Variants in KIAA0319 observed in about 807,000 individuals in gnomAD.
The protein encoded by KIAA0319 is dyslexia-associated protein KIAA0319.
KIAA0319 carries 83 observed loss-of-function variants against 108.4 expected under a neutral mutation model. That is an observed-to-expected ratio of 0.77 (90% CI 0.64 to 0.92). The LOEUF (loss-of-function observed/expected upper bound fraction) is 0.92, where lower values mean the gene tolerates loss of function less well. Ranked by LOEUF, KIAA0319 falls within the 40% of genes least tolerant of loss-of-function variation. The pLI, the probability that KIAA0319 is intolerant of heterozygous loss-of-function variation, is 0.00. For synonymous variants in KIAA0319, 484 were observed against 510.4 expected (o/e 0.95, Z 0.70); for missense variants, 1,195 against 1,322.4 (o/e 0.90, Z 1.49).
rs1763536759 is a variant in KIAA0319 at position 24,564,231 on chromosome 6, G to C, written c.2402C>G (p.Thr801Arg). 6.2e-7 allele frequency: 1 copy of C among 1,613,986 alleles called. No individual in the cohort carries two copies. The change falls in exon 15 of 21, where the codon ACA becomes AGA. Residue 801 changes from threonine (T) to arginine (R), a missense_variant. Physicochemically the swap from Thr to Arg is moderately conservative, Grantham distance 71. Transcript: ENST00000378214. The part of the protein sequence containing the change: ...RVTDSQGASD[T>R]DTATVEVQPD... ...CTGCACTTCCACAGTGGCAGTGTCTGTGTCCGAGGCCCCCTGACTGTCGGT... is the reference window on the plus strand; with the variant it reads ...CTGCACTTCCACAGTGGCAGTGTCTCTGTCCGAGGCCCCCTGACTGTCGGT...
Position 24,570,021 on chromosome 6 carries a change from G to A in KIAA0319, c.1873C>T (p.Pro625Ser), listed in dbSNP as rs748982799. 6.2e-7 allele frequency: 1 copy of A among 1,614,022 alleles called. No individual in the cohort carries two copies. The highest frequency in any genetic ancestry group is 8.5e-7 in the Non-Finnish European group (1 of 1,179,944). Reference sequence around the variant, plus strand: ...TTATCAGGGCCGGCCACAGCCACTGGAGGTCTATTGTTTTCTGGAATTACA... The same window carrying A: ...TTATCAGGGCCGGCCACAGCCACTGAAGGTCTATTGTTTTCTGGAATTACA... Reference protein sequence around the residue: ...VIVQPENNRPPVAVAGPDKEL... With the variant: ...VIVQPENNRPSVAVAGPDKEL... Residue 625 changes from proline to serine, a missense_variant, in exon 12 of 21, where the codon CCA becomes TCA. By Grantham distance (74) the Pro-to-Ser change is moderately conservative. Coordinates refer to ENST00000378214, the MANE Select transcript of KIAA0319 (RefSeq NM_014809.4).
intron 1 of KIAA0319, among the ~76,000 whole-genome samples, chr6:24,629,008 T>C (rs1361069735): frequency 1.3e-5 from 2 of 152,162 alleles, no homozygotes; most frequent in Non-Finnish European, 2.9e-5. Context: ...ACGCAACCCA[T>C]AACACCATTG....
intron 13 of KIAA0319, among the ~76,000 whole-genome samples, chr6:24,567,101 C>A (rs1764001702): frequency 6.6e-6 from 1 of 152,000 alleles, no homozygotes; most frequent in Non-Finnish European, 1.5e-5. Context: ...TTACAATATA[C>A]TTTGGGTCAT....
At chr6:24,583,078 TG>T in intron 5 of KIAA0319, 2 of 985,300 alleles carry the variant, frequency 2.0e-6, no homozygotes, top group Non-Finnish European at 2.4e-6. Flanking sequence ...ACAATGCATT[TG>T]ACAGGCCACA....
rs1762361773 is a variant in KIAA0319, at chr6:24,556,813, A to T, written c.2735-84T>A. 4.8e-6 allele frequency: 7 copies of T among 1,454,042 alleles called. No homozygotes were observed. In the South Asian group the frequency reaches 6.9e-5, roughly 14 times the overall value. 90.1% of individuals were successfully genotyped at this position (1,454,042 alleles called of 1,614,324 possible). On this transcript the variant is annotated intron_variant, in intron 17 of 20. Transcript: ENST00000378214. Reference sequence around the variant, plus strand: ...GCTTCTTTTGTATCTTCAGTAGCATAGGTCCCAAATAAAAGCATCTTGTTG... The same window carrying T: ...GCTTCTTTTGTATCTTCAGTAGCATTGGTCCCAAATAAAAGCATCTTGTTG...
At chr6:24,630,353 A>T (rs544597219) in intron 1 of KIAA0319, among the ~76,000 whole-genome samples, 93 of 151,314 alleles carry the variant, frequency 6.1e-4, no homozygotes, top group African/African-American at 2.0e-3. Context: ...TATTAAAAAT[A>T]AAAAAATTAG....
At chr6:24,582,161 C>T (rs1766662132) in intron 6 of KIAA0319, 88 bp downstream of exon 6, 2 of 775,598 alleles carry the variant, frequency 2.6e-6, no homozygotes, top group East Asian at 2.6e-5. Flanking sequence ...AGAAGAAAGA[C>T]GTTTGGGTTC....
At chr6:24,643,946 C>T (rs1357251920) in intron 1 of KIAA0319, among the ~76,000 whole-genome samples, 1 of 152,248 alleles carries the variant, frequency 6.6e-6, no homozygotes, top group East Asian at 1.9e-4. Flanking sequence ...CGCCCAAACC[C>T]ACACCCTCTG....
intron 11 of KIAA0319, among the ~76,000 whole-genome samples, chr6:24,572,017 G>C (rs371990484): frequency 6.6e-6 from 1 of 152,126 alleles, no homozygotes; most frequent in Non-Finnish European, 1.5e-5. Flanking sequence ...ATGTATTAGC[G>C]GCATAAATAA....
chr6:24,543,326 T>G (rs980378635), downstream of KIAA0319, among the ~76,000 whole-genome samples: 1 of 152,260 alleles, frequency 6.6e-6, no homozygotes, highest in African/African-American at 2.4e-5. Flanking sequence ...TAATTATGTT[T>G]GTTCAACAGC....
chr6:24,587,619 C>T (rs1767736979), intron 4 of KIAA0319, among the ~76,000 whole-genome samples: 1 of 151,576 alleles, frequency 6.6e-6, no homozygotes, highest in African/African-American at 2.4e-5. Context: ...GACAGTCTTG[C>T]TCTGTTGCCC....
At chr6:24,611,506 G>T (rs560283763) in intron 1 of KIAA0319, among the ~76,000 whole-genome samples, 1 of 151,952 alleles carries the variant, frequency 6.6e-6, no homozygotes, top group African/African-American at 2.4e-5. Context: ...CTCAAAAAAA[G>T]AAAAGAAAAA....
chr6:24,574,098 G>C (rs1180563576), intron 10 of KIAA0319, among the ~76,000 whole-genome samples: 1 of 151,976 alleles, frequency 6.6e-6, no homozygotes, highest in Non-Finnish European at 1.5e-5. Context: ...CTGGGCCACA[G>C]AGTGAGACTC....
chr6:24,570,520 G>A (rs1232241942), intron 11 of KIAA0319, among the ~76,000 whole-genome samples: 7 of 151,530 alleles, frequency 4.6e-5, no homozygotes, highest in Non-Finnish European at 8.8e-5. Context: ...CCCGGGAGGC[G>A]GAGCTTGCAG....
At chr6:24,594,526 C>T (rs1769125219) in intron 3 of KIAA0319, among the ~76,000 whole-genome samples, 1 of 151,378 alleles carries the variant, frequency 6.6e-6, no homozygotes, top group Non-Finnish European at 1.5e-5. Flanking sequence ...ACTTGGAAGG[C>T]TGAGGCAGGA....
At chr6:24,613,094 T>C (rs1173137339) in intron 1 of KIAA0319, among the ~76,000 whole-genome samples, 1 of 152,202 alleles carries the variant, frequency 6.6e-6, no homozygotes, top group Non-Finnish European at 1.5e-5. Flanking sequence ...TTGTATTTTG[T>C]GAATTATGTG....
chr6:24,603,224 TCAC>T (rs371643133), intron 1 of KIAA0319, among the ~76,000 whole-genome samples: 6 of 152,194 alleles, frequency 3.9e-5, no homozygotes, highest in African/African-American at 1.4e-4. Flanking sequence ...AGTGTGATCT[TCAC>T]CACAACCCAG....
Position 24,599,956 on chromosome 6 carries a change from G to GC in KIAA0319, c.55+1092dup, listed in dbSNP as rs1396245241. 6.6e-6 allele frequency among the ~76,000 whole-genome samples: 1 copy of GC among 151,798 alleles called. No individual in the cohort carries two copies. The highest frequency in any genetic ancestry group is 6.6e-5 in the Admixed American group (1 of 15,244). On this transcript the variant is annotated intron_variant, in intron 2 of 20. Coordinates refer to ENST00000378214, the MANE Select transcript of KIAA0319 (RefSeq NM_014809.4). This position sits in a 1 kb window ranked among gnomAD's most constrained non-coding sequence, Gnocchi z 4.1. ...TTCACTGCCTGGGGTATCCCCCTTTGCCCATGCCTCCAGCTACAAAACAAT... is the reference window on the plus strand; with the variant it reads ...TTCACTGCCTGGGGTATCCCCCTTTGCCCCATGCCTCCAGCTACAAAACAAT...
At chr6:24,615,152 C>G (rs982626985) in intron 1 of KIAA0319, among the ~76,000 whole-genome samples, 1 of 152,056 alleles carries the variant, frequency 6.6e-6, no homozygotes, top group African/African-American at 2.4e-5. Flanking sequence ...TTACTTTGGT[C>G]TTTACTTATT....
Sources: gnomAD v4.1 joint callset for allele counts (sites outside exome capture counted in the v4.1 genomes callset) on GRCh38, gnomAD v4.1.1 for gene constraint, Gnocchi (gnomAD v3.1) non-coding constraint, MANE v1.5 for transcripts, NCBI Gene and HGNC (gene_info 2026-07-23, HGNC 2026-07-21) for gene names.